The following TPRG1 variants were observed in gnomAD, a reference collection of about 807,000 sequenced individuals.
TPRG1 encodes the protein tumor protein p63 regulated 1.
A neutral mutation model predicts 29.3 loss-of-function variants in TPRG1; 29 were observed. The observed-to-expected ratio is 0.99, with a 90% confidence interval of 0.74 to 1.35. The LOEUF (loss-of-function observed/expected upper bound fraction) is 1.35. Ranked by LOEUF, TPRG1 falls within the 40% of genes most tolerant of loss-of-function variation. TPRG1 has a pLI of 0.00. For missense variants in TPRG1, 327 were observed against 335.0 expected (o/e 0.98, Z 0.19); for synonymous variants, 130 against 116.8 (o/e 1.11, Z -0.73).
At chr3:189,264,657 C>A (rs1000878658) in intron 4 of TPRG1, among the ~76,000 whole-genome samples, 3 of 151,970 alleles carry the variant, frequency 2.0e-5, no homozygotes, top group Admixed American at 2.0e-4. Flanking sequence ...ATGAAGTGTT[C>A]ATTTCACCAA....
intron 4 of TPRG1, among the ~76,000 whole-genome samples, chr3:189,083,141 C>T (rs1024450388): frequency 6.6e-6 from 1 of 152,082 alleles, no homozygotes; most frequent in African/African-American, 2.4e-5. Flanking sequence ...TTGTGAGATT[C>T]TTGGCACAAG....
At chr3:189,040,475 C>T (rs1409588284) in intron 4 of TPRG1, among the ~76,000 whole-genome samples, 1 of 151,934 alleles carries the variant, frequency 6.6e-6, no homozygotes, top group African/African-American at 2.4e-5. Context: ...AGAGTTATAC[C>T]AAGGGTTCTG....
intron 2 of TPRG1, among the ~76,000 whole-genome samples, chr3:189,209,598 G>C (rs116154579): frequency 0.01 from 1,597 of 152,240 alleles, 32 homozygotes; most frequent in African/African-American, 0.036. Context: ...ACATATTGAA[G>C]TTTGAGAAAA....
chr3:189,123,767 T>C (rs762547515), intron 1 of TPRG1: 1 of 152,204 alleles, frequency 6.6e-6, no homozygotes, highest in Non-Finnish European at 1.5e-5. Context: ...AGTAGAGAAA[T>C]GCTTTGCTGC....
At chr3:189,311,807 A>C (rs751508349) in intron 5 of TPRG1, among the ~76,000 whole-genome samples, 45 of 152,078 alleles carry the variant, frequency 3.0e-4, no homozygotes, top group Admixed American at 6.6e-4. Flanking sequence ...ATCAGCCCCT[A>C]GCCTGACTCT....
At chr3:189,092,005 TAAGA>T (rs1285444080) in intron 4 of TPRG1, among the ~76,000 whole-genome samples, 1 of 152,228 alleles carries the variant, frequency 6.6e-6, no homozygotes, top group African/African-American at 2.4e-5. Flanking sequence ...TGTAGGATTC[TAAGA>T]AATATTGTCC....
chr3:189,154,152 C>T (rs1459632628), intron 5 of TPRG1, among the ~76,000 whole-genome samples: 1 of 152,214 alleles, frequency 6.6e-6, no homozygotes, highest in African/African-American at 2.4e-5. Context: ...CAATAACTCA[C>T]ATCATGCGAT....
intron 4 of TPRG1, among the ~76,000 whole-genome samples, chr3:189,274,611 A>G (rs1438010355): frequency 6.6e-6 from 1 of 152,150 alleles, no homozygotes; most frequent in African/African-American, 2.4e-5. Flanking sequence ...CTCTGGTATC[A>G]GAGCACAGAA....
intron 3 of TPRG1, among the ~76,000 whole-genome samples, chr3:189,022,205 A>G (rs2152124994): frequency 6.6e-6 from 1 of 152,098 alleles, no homozygotes; most frequent in South Asian, 2.1e-4. Context: ...GAGTAATTTG[A>G]TCGTCTGAAG....
intron 3 of TPRG1, among the ~76,000 whole-genome samples, chr3:189,224,941 T>G (rs1290898232): frequency 6.7e-6 from 1 of 150,172 alleles, no homozygotes; most frequent in East Asian, 1.9e-4. Flanking sequence ...CTTTTTTTTT[T>G]TTTTTTTTGA....
In TPRG1 at chr3:189,038,178, A is replaced by G. The variant is rs1483216368; in HGVS notation, c.-463+14232A>G. 2.6e-5 allele frequency among the ~76,000 whole-genome samples: 4 copies of G among 152,000 alleles called. No homozygotes were observed. The East Asian group carries it at 7.7e-4, about 29-fold the overall frequency. On this transcript the variant is annotated intron_variant, in intron 4 of 10. Transcript: ENST00000433971. ...AAAAGAAAAAAAAATAGCCTGCCAC[A>G]TGATCAGACAAGTAAAACAATGGGA...
At chr3:189,071,129 G>A (rs963482653) in intron 4 of TPRG1, among the ~76,000 whole-genome samples, 1 of 151,598 alleles carries the variant, frequency 6.6e-6, no homozygotes, top group Admixed American at 6.6e-5. Context: ...CAGACCAGGT[G>A]CCCAAAGCAG....
chr3:189,036,531 A>G (rs1247299380), intron 4 of TPRG1, among the ~76,000 whole-genome samples: 1 of 152,132 alleles, frequency 6.6e-6, no homozygotes, highest in Admixed American at 6.5e-5. Flanking sequence ...AATTGTTTGC[A>G]TATGTAAAAA....
intron 4 of TPRG1, among the ~76,000 whole-genome samples, chr3:189,148,163 T>A (rs1246353493): frequency 6.6e-6 from 1 of 152,186 alleles, no homozygotes; most frequent in Non-Finnish European, 1.5e-5. Context: ...TTCTGCTCCC[T>A]CCTGATTGGT....
rs141493471 is a variant in TPRG1 at position 189,263,523 on chromosome 3, T to C, written c.479+24614T>C. Among the ~76,000 whole-genome samples the C allele has an allele frequency of 4.1e-3, 621 of 152,338 alleles. 2 individuals are homozygous for C. The highest frequency in any genetic ancestry group is 0.014 in the East Asian group (74 of 5,186). On this transcript the variant is annotated intron_variant, in intron 4 of 5. Coordinates refer to ENST00000345063, the MANE Select transcript of TPRG1 (RefSeq NM_198485.4). ...AATAATTCTGCTTTTATCTGTTGCT[T>C]GTGCTGGCATTCACTACAGTGTAAA...
At chr3:189,065,073 A>G (rs1716349952) in intron 4 of TPRG1, among the ~76,000 whole-genome samples, 1 of 152,114 alleles carries the variant, frequency 6.6e-6, no homozygotes, top group Non-Finnish European at 1.5e-5. Flanking sequence ...GCTACTCAAG[A>G]GGTTGAAACA....
intron 5 of TPRG1, among the ~76,000 whole-genome samples, chr3:189,319,037 C>T (rs140977576): frequency 7.2e-5 from 11 of 152,248 alleles, no homozygotes; most frequent in African/African-American, 2.6e-4. Flanking sequence ...ATCCCTGTAA[C>T]ATTTAGATCC....
intron 1 of TPRG1, among the ~76,000 whole-genome samples, chr3:189,126,509 G>C (rs925205930): frequency 2.6e-5 from 4 of 152,194 alleles, no homozygotes; most frequent in Admixed American, 6.5e-5. Flanking sequence ...AGGGTTAAGT[G>C]AGAATTCCTT....
intron 1 of TPRG1, among the ~76,000 whole-genome samples, chr3:189,122,944 C>G (rs1256444644): frequency 1.3e-5 from 2 of 152,152 alleles, no homozygotes; most frequent in Non-Finnish European, 2.9e-5. Flanking sequence ...ATGTGCCAGG[C>G]ACTATTCTAG....
Sources: gnomAD v4.1 joint callset for allele counts (sites outside exome capture counted in the v4.1 genomes callset) on GRCh38, gnomAD v4.1.1 for gene constraint, MANE v1.5 for transcripts, NCBI Gene and HGNC (gene_info 2026-07-23, HGNC 2026-07-21) for gene names.